MYO5A: variants seen among roughly 807,000 people sequenced by gnomAD.
MYO5A encodes the protein myosin VA, also known as unconventional myosin-Va.
MYO5A carries 98 observed loss-of-function variants against 249.7 expected under a neutral mutation model. The observed-to-expected ratio is 0.39, with a 90% confidence interval of 0.33 to 0.46. MYO5A has a LOEUF of 0.46. MYO5A is among the 20% of genes least tolerant of loss of function. The pLI, the probability that MYO5A is intolerant of heterozygous loss-of-function variation, is 0.98. For missense variants in MYO5A, 1,696 were observed against 2,308.8 expected (o/e 0.73, Z 5.44); for synonymous variants, 778 against 810.6 (o/e 0.96, Z 0.68).
At chr15:52,472,071 T>C (rs1290849514) in intron 1 of MYO5A, among the ~76,000 whole-genome samples, 1 of 114,648 alleles carries the variant, frequency 8.7e-6, no homozygotes, top group Non-Finnish European at 1.8e-5. Context: ...CTTCTCCTGT[T>C]ATCCTGACAT....
At chr15:52,496,504 G>T (rs1281320716) in intron 1 of MYO5A, among the ~76,000 whole-genome samples, 1 of 152,210 alleles carries the variant, frequency 6.6e-6, no homozygotes. Flanking sequence ...AATGGCTGGG[G>T]ATTAAAGAAG....
In MYO5A at chr15:52,372,106, C is replaced by T. The variant is rs755697770; in HGVS notation, c.2817+18G>A. 5 of 1,613,132 alleles carry T rather than the reference C, an allele frequency of 3.1e-6. No homozygotes were observed. The highest frequency in any genetic ancestry group is 4.2e-6 in the Non-Finnish European group (5 of 1,180,004). On this transcript the variant is annotated intron_variant, in intron 21 of 41. Transcript: ENST00000399233. ...CTTCAGGCATACTCCACTCTCAGGG[C>T]CCCTTTGTGAAACACACCTGCTCAT...
chr15:52,429,415 A>G (rs1476755360), intron 2 of MYO5A, among the ~76,000 whole-genome samples: 2 of 152,090 alleles, frequency 1.3e-5, no homozygotes, highest in South Asian at 2.1e-4. Flanking sequence ...TTGGCCAGGC[A>G]TGGTGGCTCA....
intron 1 of MYO5A, chr15:52,505,280 C>T: frequency 1.3e-6 from 1 of 776,528 alleles, no homozygotes. Context: ...TATGTGCCAT[C>T]ACAAGCAGAT....
In MYO5A at chr15:52,342,489, T is replaced by C. The variant is rs79912634; in HGVS notation, c.4040+628A>G. On this transcript the variant is annotated intron_variant, in intron 31 of 41. Coordinates refer to ENST00000399233, the MANE Select transcript of MYO5A (RefSeq NM_001382347.1). ...TCTCCCCCAATAGTTTGTGCCCTAA[T>C]TGAAAGATTATGTTTTTCTTTTAAC... 1.0e-3 allele frequency among the ~76,000 whole-genome samples: 157 copies of C among 152,332 alleles called. 1 individual carries two copies. The East Asian group carries it at 0.028, about 27-fold the overall frequency.
At chr15:52,505,801 C>T (rs528993176) in intron 1 of MYO5A, 3 of 1,591,152 alleles carry the variant, frequency 1.9e-6, no homozygotes, top group African/African-American at 2.7e-5. Context: ...GCTGGAGGAG[C>T]AGATCACTGC....
At chr15:52,487,213 C>T (rs1003282572) in intron 1 of MYO5A, among the ~76,000 whole-genome samples, 3 of 151,908 alleles carry the variant, frequency 2.0e-5, no homozygotes, top group African/African-American at 7.3e-5. Flanking sequence ...TCCAGGAGTT[C>T]GAGACCAGCC....
At chr15:52,362,184 G>C (rs183715730) in intron 24 of MYO5A, among the ~76,000 whole-genome samples, 1 of 152,336 alleles carries the variant, frequency 6.6e-6, no homozygotes, top group East Asian at 1.9e-4. Context: ...CACTATTAGT[G>C]TTCTTTGGCC....
chr15:52,381,925 G>A (rs1178816252), intron 16 of MYO5A, among the ~76,000 whole-genome samples: 4 of 152,022 alleles, frequency 2.6e-5, no homozygotes, highest in Non-Finnish European at 4.4e-5. Flanking sequence ...TTTTTGAGAC[G>A]AAGTCTCACT....
At chr15:52,515,423 G>C (rs1195310527) in intron 1 of MYO5A, among the ~76,000 whole-genome samples, 1 of 152,158 alleles carries the variant, frequency 6.6e-6, no homozygotes, top group South Asian at 2.1e-4. Context: ...TTGTGTTTGG[G>C]TTACTGGAGG....
rs112731358 is a variant in MYO5A at position 52,401,681 on chromosome 15, G to A, written c.1053+3606C>T. On this transcript the variant is annotated intron_variant, in intron 9 of 41. Transcript: ENST00000399233. ...GATTTTCTGGACTTTCTGAATATGT[G>A]GGTTAGTCATTTTCACAAGTTCTAA... is the stretch of plus-strand genomic sequence containing the variant. Among the ~76,000 whole-genome samples, 1,060 of 152,114 alleles carry A rather than the reference G, an allele frequency of 7.0e-3. 3 individuals are homozygous for A. The highest frequency in any genetic ancestry group is 0.01 in the Middle Eastern group (3 of 294).
chr15:52,501,464 G>C (rs1040600316), intron 1 of MYO5A, among the ~76,000 whole-genome samples: 2 of 152,028 alleles, frequency 1.3e-5, no homozygotes, highest in African/African-American at 4.8e-5. Flanking sequence ...AGCTGGGCGT[G>C]GTGGTGTGTC....
At chr15:52,353,427 T>C (rs1247311167) in intron 27 of MYO5A, among the ~76,000 whole-genome samples, 178 bp downstream of exon 27, 4 of 152,208 alleles carry the variant, frequency 2.6e-5, no homozygotes, top group Non-Finnish European at 4.4e-5. Context: ...GTCTAGCTTA[T>C]ATGAAATGGA....
intron 34 of MYO5A, 22 bp downstream of exon 34, chr15:52,336,441 C>A: frequency 6.7e-7 from 1 of 1,502,334 alleles, no homozygotes; most frequent in South Asian, 1.2e-5. Flanking sequence ...CAGTGACCGT[C>A]TTGAAAAAAA....
chr15:52,504,779 A>G (rs898953090), intron 1 of MYO5A, among the ~76,000 whole-genome samples: 9 of 151,946 alleles, frequency 5.9e-5, no homozygotes, highest in Admixed American at 1.3e-4. Flanking sequence ...AATCCCAGCT[A>G]CTCAGGAGGT....
intron 16 of MYO5A, among the ~76,000 whole-genome samples, chr15:52,380,959 AAAAATTACTACTGTTCTAAAC>A (rs1359704472): frequency 6.6e-6 from 1 of 152,220 alleles, no homozygotes; most frequent in Non-Finnish European, 1.5e-5. Flanking sequence ...ATATTTTTTT[AAAAATTACTACTGTTCTAAAC>A]ATAGTGTCTA....
chr15:52,361,637 G>T (rs1224129116), intron 24 of MYO5A, among the ~76,000 whole-genome samples: 1 of 152,184 alleles, frequency 6.6e-6, no homozygotes, highest in African/African-American at 2.4e-5. Context: ...TAAGAGTGTG[G>T]AAGTAAAGAG....
chr15:52,370,497 T>C lies in MYO5A; in HGVS notation c.2818-80A>G, dbSNP rs377560222. 3.9e-5 allele frequency: 56 copies of C among 1,430,402 alleles called. No homozygotes were observed. In the South Asian group the frequency reaches 4.1e-4, roughly 10 times the overall value. 88.6% of individuals were successfully genotyped at this position (1,430,402 alleles called of 1,614,324 possible). A position where few individuals can be genotyped will look rare whatever the true frequency, so the allele number is the denominator to read the frequency against. ...TTAGTAAGAAAACCATGTTTATTCA[T>C]CATATTCATGCTATATCATCATAAC... On this transcript the variant is annotated intron_variant, in intron 21 of 41. Coordinates refer to ENST00000399233, the MANE Select transcript of MYO5A (RefSeq NM_001382347.1).
At chr15:52,445,546 T>C (rs2075871101) in intron 1 of MYO5A, among the ~76,000 whole-genome samples, 1 of 152,108 alleles carries the variant, frequency 6.6e-6, no homozygotes, top group African/African-American at 2.4e-5. Context: ...ACTTTGGAAC[T>C]AGGTAACAGC....
Sources: gnomAD v4.1 joint callset for allele counts (sites outside exome capture counted in the v4.1 genomes callset) on GRCh38, gnomAD v4.1.1 for gene constraint, MANE v1.5 for transcripts, NCBI Gene and HGNC (gene_info 2026-07-23, HGNC 2026-07-21) for gene names.